DOCK4: variants seen among roughly 807,000 people sequenced by gnomAD.
DOCK4 encodes dedicator of cytokinesis protein 4.
Under a neutral mutation model 268.1 loss-of-function variants are expected in DOCK4, and 97 were observed. The observed-to-expected ratio is 0.36, with a 90% CI of 0.31 to 0.43. The LOEUF (loss-of-function observed/expected upper bound fraction) is 0.43, where lower values mean the gene tolerates loss of function less well. Ranked by LOEUF, DOCK4 falls within the 20% of genes least tolerant of loss-of-function variation. The probability of loss-of-function intolerance (pLI) is 1.00; values close to 1 mark genes in which losing one functional copy is unlikely to be tolerated. For synonymous variants in DOCK4, 954 were observed against 887.2 expected, an observed-to-expected ratio of 1.08 and a Z score of -1.34; for missense variants, 2,145 against 2,455.7, an observed-to-expected ratio of 0.87 and a Z score of 2.67.
At chr7:111,899,044 C>A (rs1790906257) in intron 15 of DOCK4, among the ~76,000 whole-genome samples, 1 of 152,192 alleles carries the variant, frequency 6.6e-6, no homozygotes, top group African/African-American at 2.4e-5. Context: ...TGGCACCATT[C>A]TAAGTCCTTT....
chr7:111,738,983 G>A (rs2133416360), intron 49 of DOCK4, 151 bp downstream of exon 49: 3 of 625,274 alleles, frequency 4.8e-6, no homozygotes. Context: ...CTAACCATGG[G>A]CAGAAAACAG....
At chr7:112,140,281 AG>A (rs1016464637) in intron 1 of DOCK4, among the ~76,000 whole-genome samples, 4 of 151,392 alleles carry the variant, frequency 2.6e-5, no homozygotes, top group African/African-American at 9.7e-5. Flanking sequence ...GAGATGTCGG[AG>A]CCCCCAACCC....
At chr7:112,186,320 T>C (rs1318781730) in intron 1 of DOCK4, among the ~76,000 whole-genome samples, 4 of 152,158 alleles carry the variant, frequency 2.6e-5, no homozygotes, top group Non-Finnish European at 4.4e-5. Flanking sequence ...AATGAAGACA[T>C]GACTGGGAAG....
intron 12 of DOCK4, among the ~76,000 whole-genome samples, chr7:111,926,839 G>C (rs1208004572): frequency 8.2e-6 from 1 of 122,130 alleles, no homozygotes. Flanking sequence ...AAAAAAGAAA[G>C]AAAGAGAAAG....
chr7:111,949,870 G>A (rs1229196354), intron 8 of DOCK4, among the ~76,000 whole-genome samples: 3 of 152,126 alleles, frequency 2.0e-5, no homozygotes, highest in Admixed American at 6.6e-5. Context: ...AATATCAGAA[G>A]GTATGCCTTC....
At chr7:111,962,055 T>A (rs536046350) in intron 8 of DOCK4, among the ~76,000 whole-genome samples, 1 of 152,104 alleles carries the variant, frequency 6.6e-6, no homozygotes, top group African/African-American at 2.4e-5. Context: ...TTTCTTCACA[T>A]ATTTTGTCAT....
chr7:112,046,277 A>G (rs1189829069), intron 1 of DOCK4, among the ~76,000 whole-genome samples: 1 of 152,232 alleles, frequency 6.6e-6, no homozygotes, highest in African/African-American at 2.4e-5. Flanking sequence ...CATCTATACA[A>G]CTTTGGAATT....
chr7:111,893,488 T>A (rs1808463863), intron 16 of DOCK4, among the ~76,000 whole-genome samples: 1 of 152,224 alleles, frequency 6.6e-6, no homozygotes, highest in Non-Finnish European at 1.5e-5. Flanking sequence ...GCCTTATCTT[T>A]TCTGAGCTAA....
At chr7:111,996,326 T>A (rs1238167047) in intron 4 of DOCK4, among the ~76,000 whole-genome samples, 2 of 152,186 alleles carry the variant, frequency 1.3e-5, no homozygotes, top group Non-Finnish European at 2.9e-5. Flanking sequence ...AAGGTGACTG[T>A]TTTCTATTAA....
intron 26 of DOCK4, among the ~76,000 whole-genome samples, chr7:111,833,422 T>C (rs1338026796): frequency 2.0e-5 from 3 of 151,972 alleles, no homozygotes; most frequent in Non-Finnish European, 4.4e-5. Context: ...CATGTGCCTG[T>C]AGTCACAGCT....
chr7:111,822,105 G>A (rs1802028701), intron 27 of DOCK4, among the ~76,000 whole-genome samples: 1 of 152,160 alleles, frequency 6.6e-6, no homozygotes, highest in Non-Finnish European at 1.5e-5. Context: ...AATACAAGTG[G>A]TTATACAGCC....
chr7:111,789,422 C>T (rs967802505), intron 31 of DOCK4, among the ~76,000 whole-genome samples: 8 of 151,858 alleles, frequency 5.3e-5, no homozygotes, highest in Admixed American at 3.3e-4. Flanking sequence ...GCAGAAGAGA[C>T]AGAAAATGAA....
At chr7:111,827,134 C>T (rs564410528) in intron 26 of DOCK4, among the ~76,000 whole-genome samples, 6 of 152,040 alleles carry the variant, frequency 3.9e-5, no homozygotes, top group South Asian at 2.1e-4. Flanking sequence ...AAATTTCAAA[C>T]GTATAATACC....
chr7:111,814,898 A>C (rs942447093), intron 27 of DOCK4, among the ~76,000 whole-genome samples: 2 of 152,220 alleles, frequency 1.3e-5, no homozygotes, highest in African/African-American at 4.8e-5. Flanking sequence ...AATTTGCAAA[A>C]TAAAAAGTAA....
At chr7:112,087,739 T>C (rs58092763) in intron 1 of DOCK4, among the ~76,000 whole-genome samples, 54,012 of 151,902 alleles carry the variant, frequency 0.36, 9,854 homozygotes, top group East Asian at 0.4. Context: ...TAAGCCTTTC[T>C]CTCCAGTCCC....
chr7:112,054,387 A>T lies in DOCK4; in HGVS notation c.38-50256T>A, dbSNP rs114548883. Among the ~76,000 whole-genome samples the T allele has an allele frequency of 2.6e-3, 389 of 152,270 alleles. 2 individuals are homozygous for T. The highest frequency in any genetic ancestry group is 8.8e-3 in the African/African-American group (367 of 41,548). On this transcript the variant is annotated intron_variant, in intron 1 of 52. Coordinates refer to ENST00000428084, the MANE Select transcript of DOCK4 (RefSeq NM_001363540.2). ...CCTTTCTAACTCTCCATGTATCTTT[A>T]CCACAACTGACCCCAATTTCTAGGG... is the stretch of plus-strand genomic sequence containing the variant.
At chr7:111,789,273 C>T (rs1799375538) in intron 31 of DOCK4, 1 of 155,054 alleles carries the variant, frequency 6.4e-6, no homozygotes, top group African/African-American at 2.4e-5. Flanking sequence ...TAGTCTAAGT[C>T]AGCAATAAGC....
In DOCK4 at chr7:111,916,979, T is replaced by C. The variant is rs1321455647; in HGVS notation, c.1067-1075A>G. Reference sequence around the variant, plus strand: ...CACCCACCTCCCACCCTTTCCCCCATGTTTTTTTTTTTTTTTTTTTTTTTT... The same window carrying C: ...CACCCACCTCCCACCCTTTCCCCCACGTTTTTTTTTTTTTTTTTTTTTTTT... On this transcript the variant is annotated intron_variant, in intron 12 of 52. Transcript: ENST00000428084. 2.4e-5 allele frequency among the ~76,000 whole-genome samples: 3 copies of C among 125,428 alleles called. No individual in the cohort carries two copies. The South Asian group carries it at 7.9e-4, about 33-fold the overall frequency. The allele number at this position is 125,428 out of a possible 152,430, so 82.3% of individuals were successfully genotyped here.
chr7:112,036,591 G>C (rs1286205808), intron 1 of DOCK4, among the ~76,000 whole-genome samples: 1 of 151,638 alleles, frequency 6.6e-6, no homozygotes, highest in Admixed American at 6.6e-5. Context: ...AGGGTGCACA[G>C]TGTGATGGGT....
Sources: allele counts gnomAD v4.1 joint callset (sites outside exome capture counted in the v4.1 genomes callset), GRCh38; gene constraint gnomAD v4.1.1; transcripts MANE v1.5; gene names NCBI Gene and HGNC (gene_info 2026-07-23, HGNC 2026-07-21).